PEBP4: variants seen among roughly 807,000 people sequenced by gnomAD.
The protein encoded by PEBP4 is phosphatidylethanolamine binding protein 4, also known as phosphatidylethanolamine-binding protein 4.
PEBP4 carries 22 observed loss-of-function variants against 23.9 expected under a neutral mutation model. The observed-to-expected ratio is 0.92, with a 90% confidence interval of 0.66 to 1.31. PEBP4 has a LOEUF of 1.31. PEBP4 is among the 40% of genes most tolerant of loss of function. The pLI, the probability that PEBP4 is intolerant of heterozygous loss-of-function variation, is 0.00. For synonymous variants in PEBP4, 112 were observed against 99.3 expected, an observed-to-expected ratio of 1.13 and a Z score of -0.76; for missense variants, 324 against 281.7, an observed-to-expected ratio of 1.15 and a Z score of -1.07.
At chr8:22,761,309 G>A (rs1385670278) in intron 4 of PEBP4, among the ~76,000 whole-genome samples, 15 of 152,060 alleles carry the variant, frequency 9.9e-5, no homozygotes, top group African/African-American at 9.7e-5. Context: ...GGCCAGGGGC[G>A]CCCCTTGATG....
intron 4 of PEBP4, among the ~76,000 whole-genome samples, chr8:22,794,493 T>C (rs746423244): frequency 6.6e-6 from 1 of 152,172 alleles, no homozygotes. Context: ...CCATGTTGGC[T>C]ACCCTGGTCT....
intron 4 of PEBP4, among the ~76,000 whole-genome samples, chr8:22,789,290 A>C (rs1051222715): frequency 6.6e-6 from 1 of 152,160 alleles, no homozygotes; most frequent in South Asian, 2.1e-4. Flanking sequence ...GAAACTATAG[A>C]ATTTTAGAAG....
At chr8:22,760,664 G>A (rs1192330967) in intron 4 of PEBP4, among the ~76,000 whole-genome samples, 1 of 152,122 alleles carries the variant, frequency 6.6e-6, no homozygotes, top group Non-Finnish European at 1.5e-5. Flanking sequence ...TACAGGGCCT[G>A]TACCATGCCA....
At chr8:22,724,553 T>G (rs2128748571) in intron 6 of PEBP4, among the ~76,000 whole-genome samples, 1 of 152,350 alleles carries the variant, frequency 6.6e-6, no homozygotes, top group African/African-American at 2.4e-5. Context: ...CGGGGTACTC[T>G]TCTCCCTGGC....
intron 2 of PEBP4, 43 bp downstream of exon 2, chr8:22,927,541 G>A: frequency 6.3e-7 from 1 of 1,583,020 alleles, no homozygotes; most frequent in Non-Finnish European, 8.6e-7. Flanking sequence ...CTACCTGCCT[G>A]GTAGCCTCTG....
At chr8:22,830,885 T>C (rs971520255) in intron 3 of PEBP4, among the ~76,000 whole-genome samples, 2 of 152,196 alleles carry the variant, frequency 1.3e-5, no homozygotes, top group Admixed American at 6.5e-5. Flanking sequence ...TCTACACTGA[T>C]CCAAAGTATT....
At chr8:22,908,429 C>T (rs1223601268) in intron 3 of PEBP4, among the ~76,000 whole-genome samples, 2 of 151,972 alleles carry the variant, frequency 1.3e-5, no homozygotes, top group Non-Finnish European at 2.9e-5. Context: ...GGCAGTGACC[C>T]ACTCAGTAAA....
intron 4 of PEBP4, among the ~76,000 whole-genome samples, chr8:22,738,798 C>T (rs1452172579): frequency 1.3e-5 from 2 of 152,178 alleles, no homozygotes; most frequent in Admixed American, 6.5e-5. Context: ...CACACATGCA[C>T]AGAGGCACAA....
intron 4 of PEBP4, among the ~76,000 whole-genome samples, chr8:22,812,379 G>A (rs1028636202): frequency 2.6e-5 from 4 of 152,116 alleles, no homozygotes; most frequent in South Asian, 2.1e-4. Flanking sequence ...CCCAAAGTCC[G>A]AGCTCTTTCC....
At chr8:22,928,743 C>T (rs1585162004), upstream of PEBP4, among the ~76,000 whole-genome samples, 1 of 152,290 alleles carries the variant, frequency 6.6e-6, no homozygotes, top group East Asian at 1.9e-4. Context: ...TCTCTGGATG[C>T]TGGGAGGCCA....
chr8:22,732,861 A>G (rs1423628003), intron 4 of PEBP4, among the ~76,000 whole-genome samples: 1 of 152,178 alleles, frequency 6.6e-6, no homozygotes, highest in Non-Finnish European at 1.5e-5. Flanking sequence ...CTCCCACCTC[A>G]GATCCCACTG....
At chr8:22,733,638 T>A (rs1804785497) in intron 4 of PEBP4, among the ~76,000 whole-genome samples, 1 of 152,164 alleles carries the variant, frequency 6.6e-6, no homozygotes, top group Admixed American at 6.5e-5. Flanking sequence ...CAGTCGCACA[T>A]ATCCTTGAGT....
At chr8:22,909,503 A>G (rs1353242933) in intron 3 of PEBP4, among the ~76,000 whole-genome samples, 3 of 152,050 alleles carry the variant, frequency 2.0e-5, no homozygotes, top group African/African-American at 7.3e-5. Flanking sequence ...CCACCATTAA[A>G]CCATTTGTAA....
chr8:22,758,940 C>T (rs899261571), intron 4 of PEBP4, among the ~76,000 whole-genome samples: 1 of 151,330 alleles, frequency 6.6e-6, no homozygotes, highest in African/African-American at 2.4e-5. Context: ...AGGAGCTGGT[C>T]AGTGCACACT....
At chr8:22,726,698 T>C (rs1804628255) in intron 5 of PEBP4, among the ~76,000 whole-genome samples, 1 of 152,234 alleles carries the variant, frequency 6.6e-6, no homozygotes. Flanking sequence ...GGTGCTGGGA[T>C]TTGAATCCAG....
chr8:22,803,823 GGCC>G (rs1260300176), intron 4 of PEBP4, among the ~76,000 whole-genome samples: 1 of 152,096 alleles, frequency 6.6e-6, no homozygotes, highest in Non-Finnish European at 1.5e-5. Flanking sequence ...CAGAGCCAGG[GGCC>G]ATCCTCGCAC....
chr8:22,916,662 T>G (rs937582714), intron 3 of PEBP4, among the ~76,000 whole-genome samples: 3 of 152,178 alleles, frequency 2.0e-5, no homozygotes, highest in South Asian at 2.1e-4. Context: ...ATTCATTCAT[T>G]CATTCATGCA....
rs2128769596 is a variant in PEBP4, at chr8:22,865,922, C to T, written c.259-48187G>A. ...CCACAGCTCCCACTCAGGACACGCGCCTCGAGGTGTGGCCCGGCGCCGGGC... is the reference window on the plus strand; with the variant it reads ...CCACAGCTCCCACTCAGGACACGCGTCTCGAGGTGTGGCCCGGCGCCGGGC... On this transcript the variant is annotated intron_variant, in intron 3 of 6. Coordinates refer to ENST00000256404, the MANE Select transcript of PEBP4 (RefSeq NM_144962.3). The surrounding 1 kb of genome is among the most constrained non-coding windows in gnomAD (Gnocchi z 6.9). 6.6e-6 allele frequency among the ~76,000 whole-genome samples: 1 copy of T among 152,134 alleles called. No individual in the cohort carries two copies. Among genetic ancestry groups the T allele is most frequent in the South Asian group, 2.1e-4 (1 of 4,824 alleles).
chr8:22,809,192 C>T (rs972863976), intron 4 of PEBP4, among the ~76,000 whole-genome samples: 2 of 152,154 alleles, frequency 1.3e-5, no homozygotes, highest in African/African-American at 4.8e-5. Context: ...AATGTTATCT[C>T]GTTAAATCCT....
Sources: gnomAD v4.1 joint callset for allele counts (sites outside exome capture counted in the v4.1 genomes callset) on GRCh38, gnomAD v4.1.1 for gene constraint, Gnocchi (gnomAD v3.1) non-coding constraint, MANE v1.5 for transcripts, NCBI Gene and HGNC (gene_info 2026-07-23, HGNC 2026-07-21) for gene names.